Variants in DPP10 observed in about 807,000 individuals in gnomAD.
DPP10 encodes inactive dipeptidyl peptidase 10.
In DPP10, 33 loss-of-function variants were observed where a neutral mutation model predicts 120.9. The observed-to-expected ratio is 0.27, with a 90% CI of 0.21 to 0.37. The LOEUF (loss-of-function observed/expected upper bound fraction) is 0.37, where lower values mean the gene tolerates loss of function less well. Among genes scored for constraint, DPP10 ranks in the 10% least tolerant of loss-of-function variants. The pLI, the probability that DPP10 is intolerant of heterozygous loss-of-function variation, is 1.00. For missense variants in DPP10, 816 were observed against 942.8 expected (o/e 0.87, Z 1.76); for synonymous variants, 337 against 326.1 (o/e 1.03, Z -0.36).
chr2:115,725,601 G>T (rs913303608), intron 7 of DPP10, among the ~76,000 whole-genome samples: 2 of 152,168 alleles, frequency 1.3e-5, no homozygotes, highest in African/African-American at 4.8e-5. Flanking sequence ...TACATCTGTT[G>T]AAGTTGTGGA....
intron 1 of DPP10, among the ~76,000 whole-genome samples, chr2:114,942,268 G>A (rs1231033747): frequency 8.0e-6 from 1 of 125,416 alleles, no homozygotes; most frequent in East Asian, 2.6e-4. Context: ...GAGAGATTCT[G>A]TCTCAAAAAA....
At chr2:115,762,980 G>A (rs1680293330) in intron 12 of DPP10, among the ~76,000 whole-genome samples, 1 of 152,090 alleles carries the variant, frequency 6.6e-6, no homozygotes, top group Non-Finnish European at 1.5e-5. Flanking sequence ...ATTGATCATG[G>A]AGATATTCAA....
intron 1 of DPP10, among the ~76,000 whole-genome samples, chr2:115,254,561 G>A (rs999114122): frequency 1.3e-5 from 2 of 152,134 alleles, no homozygotes; most frequent in African/African-American, 2.4e-5. Flanking sequence ...ACATTAACCC[G>A]GAAAGCCAAG....
At chr2:114,977,536 C>T (rs902770898) in intron 1 of DPP10, among the ~76,000 whole-genome samples, 42 of 152,100 alleles carry the variant, frequency 2.8e-4, no homozygotes, top group Admixed American at 2.4e-3. Flanking sequence ...TTCTCTTCTT[C>T]GAAACTGAAT....
chr2:114,769,065 G>T (rs969497482), intron 1 of DPP10, among the ~76,000 whole-genome samples: 8 of 152,098 alleles, frequency 5.3e-5, no homozygotes, highest in Admixed American at 1.3e-4. Flanking sequence ...TCATCTCTCT[G>T]CTTGCTGCTT....
At chr2:114,540,960 C>G (rs1311105606) in intron 1 of DPP10, among the ~76,000 whole-genome samples, 1 of 152,176 alleles carries the variant, frequency 6.6e-6, no homozygotes, top group Admixed American at 6.5e-5. Context: ...TGCTACCCTC[C>G]ACTCCCGTCA....
chr2:114,696,370 T>C (rs1463247086), intron 1 of DPP10, among the ~76,000 whole-genome samples: 4 of 152,088 alleles, frequency 2.6e-5, no homozygotes, highest in African/African-American at 9.7e-5. Context: ...TATTCACTAC[T>C]GTCCTCATTT....
intron 1 of DPP10, among the ~76,000 whole-genome samples, chr2:114,721,824 G>C (rs915715632): frequency 1.3e-5 from 2 of 152,194 alleles, no homozygotes; most frequent in East Asian, 3.8e-4. Context: ...TGGTTGGTGA[G>C]AATATTTAAT....
chr2:115,586,000 G>A (rs1048367718), intron 5 of DPP10, among the ~76,000 whole-genome samples: 1 of 152,056 alleles, frequency 6.6e-6, no homozygotes, highest in African/African-American at 2.4e-5. Context: ...ATATGTATTT[G>A]GAGGTGTTTC....
intron 1 of DPP10, among the ~76,000 whole-genome samples, chr2:114,557,000 C>CTT (rs59230198): frequency 7.2e-4 from 100 of 138,730 alleles, no homozygotes; most frequent in East Asian, 2.4e-3. Context: ...GCAAAGACAG[C>CTT]TTTTTTTTTT....
At chr2:115,088,768 A>AAC (rs1559080260) in intron 1 of DPP10, among the ~76,000 whole-genome samples, 1 of 134,942 alleles carries the variant, frequency 7.4e-6, no homozygotes, top group African/African-American at 2.6e-5. Flanking sequence ...AAAAAAAAAA[A>AAC]ACCAAAAAAC....
intron 3 of DPP10, among the ~76,000 whole-genome samples, chr2:115,386,800 A>T (rs928553353): frequency 1.5e-4 from 23 of 152,074 alleles, no homozygotes; most frequent in Admixed American, 1.4e-3. Context: ...CCAAAGTGGC[A>T]TATTTCGGGG....
chr2:115,794,175 T>TG (rs1219278042), intron 19 of DPP10, among the ~76,000 whole-genome samples: 78 of 152,310 alleles, frequency 5.1e-4, no homozygotes, highest in African/African-American at 1.9e-3. Context: ...GTGATTTTGG[T>TG]GTCAGTACTT....
intron 1 of DPP10, among the ~76,000 whole-genome samples, chr2:114,492,991 TA>T (rs1437729267): frequency 6.6e-6 from 1 of 152,166 alleles, no homozygotes; most frequent in Non-Finnish European, 1.5e-5. Context: ...AGCACACAGG[TA>T]CTATGAGAAA....
intron 3 of DPP10, among the ~76,000 whole-genome samples, chr2:115,389,906 A>G (rs1438399303): frequency 6.6e-6 from 1 of 152,104 alleles, no homozygotes; most frequent in African/African-American, 2.4e-5. Context: ...GTTGTAAAAT[A>G]CTCTCTACTC....
intron 1 of DPP10, among the ~76,000 whole-genome samples, chr2:114,937,698 T>G (rs969334791): frequency 1.3e-5 from 2 of 152,156 alleles, no homozygotes; most frequent in African/African-American, 2.4e-5. Flanking sequence ...TCCAGGAAGA[T>G]CTGGGCTGGT....
At chr2:115,299,057 T>G (rs1410263615) in intron 1 of DPP10, among the ~76,000 whole-genome samples, 1 of 152,026 alleles carries the variant, frequency 6.6e-6, no homozygotes, top group Non-Finnish European at 1.5e-5. Context: ...GGAGGATGTT[T>G]TACATATATT....
At chr2:115,319,367 A>G (rs1261283710) in intron 2 of DPP10, among the ~76,000 whole-genome samples, 1 of 152,086 alleles carries the variant, frequency 6.6e-6, no homozygotes, top group Non-Finnish European at 1.5e-5. Context: ...TTCTTGTGCT[A>G]TCTTTGTCTA....
intron 5 of DPP10, among the ~76,000 whole-genome samples, chr2:115,587,773 A>T (rs571994525): frequency 1.2e-4 from 18 of 152,344 alleles, no homozygotes; most frequent in African/African-American, 4.3e-4. Context: ...ATGTCTTTCC[A>T]TAAAGTGTTT....
Sources: gnomAD v4.1 joint callset for allele counts (sites outside exome capture counted in the v4.1 genomes callset) on GRCh38, gnomAD v4.1.1 for gene constraint, MANE v1.5 for transcripts, NCBI Gene and HGNC (gene_info 2026-07-23, HGNC 2026-07-21) for gene names.